The following TBC1D32 variants were observed in gnomAD, a reference collection of about 807,000 sequenced individuals.
TBC1D32 encodes TBC1 domain family member 32.
In TBC1D32, 151 loss-of-function variants were observed where a neutral mutation model predicts 170.3. The observed-to-expected ratio is 0.89, with a 90% CI of 0.78 to 1.01. The LOEUF (loss-of-function observed/expected upper bound fraction) is 1.01, where lower values mean the gene tolerates loss of function less well. Among genes scored for constraint, TBC1D32 ranks in the 50% least tolerant of loss-of-function variants. The probability of loss-of-function intolerance (pLI) is 0.00; values close to 1 mark genes in which losing one functional copy is unlikely to be tolerated. For missense variants in TBC1D32, 1,464 were observed against 1,457.1 expected (o/e 1.00, Z -0.08); for synonymous variants, 498 against 488.0 (o/e 1.02, Z -0.27).
intron 30 of TBC1D32, among the ~76,000 whole-genome samples, chr6:121,100,756 C>A (rs1378815875): frequency 7.9e-5 from 12 of 151,560 alleles, no homozygotes; most frequent in Non-Finnish European, 1.3e-4. Flanking sequence ...CTGAAGGAGA[C>A]AGAGAAACAA....
intron 18 of TBC1D32, among the ~76,000 whole-genome samples, chr6:121,241,763 T>C (rs1209218274): frequency 1.3e-5 from 2 of 152,164 alleles, no homozygotes; most frequent in Non-Finnish European, 2.9e-5. Flanking sequence ...CCTTTGACTG[T>C]TAAAGACTAA....
chr6:121,264,300 C>T (rs1800159691), intron 15 of TBC1D32, among the ~76,000 whole-genome samples: 1 of 152,164 alleles, frequency 6.6e-6, no homozygotes, highest in African/African-American at 2.4e-5. Flanking sequence ...ACAAACATCT[C>T]TGTGTAAATA....
At chr6:121,244,192 A>G (rs1232605318) in intron 17 of TBC1D32, among the ~76,000 whole-genome samples, 1 of 152,018 alleles carries the variant, frequency 6.6e-6, no homozygotes, top group African/African-American at 2.4e-5. Context: ...AAAAATTTAT[A>G]TAATAAATAA....
At position 121,080,595 on chromosome 6, in the gene TBC1D32, C is replaced by G; in HGVS notation, c.*176G>C. 12 of 769,028 alleles carry G rather than the reference C, an allele frequency of 1.6e-5. No individual in the cohort carries two copies. Among genetic ancestry groups the G allele is most frequent in the Non-Finnish European group, 2.3e-5 (12 of 523,302 alleles). The allele number at this position is 769,028 out of a possible 1,614,324, so 47.6% of individuals were successfully genotyped here. ...ATAACCTTACAAAACAACAAATTTA[C>G]AAAAATGAATTCACAAATTGAGCTC... On this transcript the variant is annotated 3_prime_UTR_variant, in exon 32 of 32. Coordinates refer to ENST00000398212, the MANE Select transcript of TBC1D32 (RefSeq NM_152730.6).
At chr6:121,119,009 C>T (rs1384474148) in intron 26 of TBC1D32, among the ~76,000 whole-genome samples, 1 of 152,092 alleles carries the variant, frequency 6.6e-6, no homozygotes, top group African/African-American at 2.4e-5. Flanking sequence ...TGCTTATTTC[C>T]ATTCTAATAT....
Position 121,086,728 on chromosome 6 carries a change from G to A in TBC1D32, c.3654+4125C>T, listed in dbSNP as rs75913100. ...GGTATGTCAGTGAAGTTTGTCCCCA[G>A]GTTGAATTCACAAACTAAAGCCAAG... is the stretch of plus-strand genomic sequence containing the variant. On this transcript the variant is annotated intron_variant, in intron 31 of 31. Coordinates refer to ENST00000398212, the MANE Select transcript of TBC1D32 (RefSeq NM_152730.6). 1.5e-3 allele frequency among the ~76,000 whole-genome samples: 231 copies of A among 152,186 alleles called. 1 individual carries two copies. Among genetic ancestry groups the A allele is most frequent in the African/African-American group, 5.4e-3 (224 of 41,528 alleles).
intron 14 of TBC1D32, 106 bp from the exon 15 acceptor site, chr6:121,279,351 C>A: frequency 8.0e-7 from 1 of 1,243,906 alleles, no homozygotes; most frequent in Non-Finnish European, 1.1e-6. Context: ...AGTTATATTA[C>A]AACAAAAAAC....
intron 24 of TBC1D32, among the ~76,000 whole-genome samples, chr6:121,144,163 C>A (rs1437348539): frequency 6.6e-6 from 1 of 152,076 alleles, no homozygotes; most frequent in Non-Finnish European, 1.5e-5. Flanking sequence ...GAGTTCCTAT[C>A]CAGTATGGTG....
At chr6:121,312,621 C>T (rs185412582) in intron 3 of TBC1D32, among the ~76,000 whole-genome samples, 2 of 152,248 alleles carry the variant, frequency 1.3e-5, no homozygotes, top group East Asian at 3.9e-4. Context: ...GCTAAGGAAC[C>T]AGCTTGGTAA....
At chr6:121,263,475 C>T (rs1009388162) in intron 15 of TBC1D32, among the ~76,000 whole-genome samples, 2 of 152,134 alleles carry the variant, frequency 1.3e-5, no homozygotes, top group African/African-American at 4.8e-5. Flanking sequence ...GCTTAGACTA[C>T]CACACAATAA....
Position 121,303,745 on chromosome 6 carries a change from C to T in TBC1D32, c.952G>A (p.Val318Met), listed in dbSNP as rs1806844375. ...GTTAACAAGGACAAAGTACTCTCCA[C>T]AATTTCTTCCATATACCTTAAAGTT... is the stretch of plus-strand genomic sequence containing the variant. ...RHPEKYMEEI[V>M]ESTLSLLTVK... The change falls in exon 9 of 32, where the codon GTG becomes ATG. Residue 318 changes from valine to methionine, a missense_variant. Coordinates refer to ENST00000398212, the MANE Select transcript of TBC1D32 (RefSeq NM_152730.6). The T allele has an allele frequency of 5.8e-6, 9 of 1,544,862 alleles. No individual in the cohort carries two copies. The highest frequency in any genetic ancestry group is 1.3e-5 in the South Asian group (1 of 78,906).
chr6:121,219,871 A>G (rs1360537488), intron 21 of TBC1D32, among the ~76,000 whole-genome samples: 1 of 152,194 alleles, frequency 6.6e-6, no homozygotes, highest in African/African-American at 2.4e-5. Context: ...CAAACTTTTC[A>G]TAATTATTCC....
intron 2 of TBC1D32, among the ~76,000 whole-genome samples, chr6:121,319,210 G>A (rs190243064): frequency 1.3e-5 from 2 of 152,038 alleles, no homozygotes; most frequent in Admixed American, 1.3e-4. Context: ...AACCGCTAGG[G>A]GGAGAAACAT....
chr6:121,287,420 T>C (rs1211952884), intron 12 of TBC1D32, among the ~76,000 whole-genome samples: 1 of 152,060 alleles, frequency 6.6e-6, no homozygotes, highest in Non-Finnish European at 1.5e-5. Context: ...CATTACATAA[T>C]GGTAAAGGGA....
rs199671235 is a variant in TBC1D32, at chr6:121,112,647, C to G, written c.3182G>C (p.Gly1061Ala). 2.1e-4 allele frequency: 324 copies of G among 1,570,416 alleles called. 1 individual carries two copies. The East Asian group carries it at 5.7e-3, about 28-fold the overall frequency. Residue 1061 changes from glycine to alanine, a missense_variant, in exon 29 of 32, where the codon GGG becomes GCG. Coordinates refer to ENST00000398212, the MANE Select transcript of TBC1D32 (RefSeq NM_152730.6). ...SIKSSLLCLQGNYAGHDWFVS... is the reference protein window; with the variant it reads ...SIKSSLLCLQANYAGHDWFVS... ...AAACCAGTCATGGCCAGCATAATTC[C>G]CTTGCAGGCAGACTGAAAAACACAG... is the stretch of plus-strand genomic sequence containing the variant.
At chr6:121,170,692 T>G (rs949203575) in intron 22 of TBC1D32, among the ~76,000 whole-genome samples, 2 of 152,082 alleles carry the variant, frequency 1.3e-5, no homozygotes, top group African/African-American at 4.8e-5. Context: ...AATAGTAATC[T>G]CCTCTTCAAA....
At chr6:121,115,336 AT>A in intron 26 of TBC1D32, 95 bp from the exon 27 acceptor site, 2 of 866,676 alleles carry the variant, frequency 2.3e-6, no homozygotes, top group Non-Finnish European at 3.3e-6. Context: ...ATTTTTACAT[AT>A]TTTAATGTGA....
At chr6:121,192,661 T>C (rs898355928) in intron 22 of TBC1D32, 1 of 152,166 alleles carries the variant, frequency 6.6e-6, no homozygotes, top group African/African-American at 2.4e-5. Flanking sequence ...AGTGAGGTCA[T>C]TGATTGGAAA....
At chr6:121,091,414 C>A (rs1420462434) in intron 30 of TBC1D32, among the ~76,000 whole-genome samples, 10 of 151,672 alleles carry the variant, frequency 6.6e-5, no homozygotes, top group Admixed American at 4.6e-4. Flanking sequence ...TTTTTCTATA[C>A]TACCTACAAC....
Sources: allele counts gnomAD v4.1 joint callset (sites outside exome capture counted in the v4.1 genomes callset), GRCh38; gene constraint gnomAD v4.1.1; transcripts MANE v1.5; gene names NCBI Gene and HGNC (gene_info 2026-07-23, HGNC 2026-07-21).